Variants in SGCD observed in about 807,000 individuals in gnomAD.
SGCD encodes the protein sarcoglycan delta.
SGCD carries 18 observed loss-of-function variants against 36.6 expected under a neutral mutation model. That is an observed-to-expected ratio of 0.49 (90% CI 0.34 to 0.73). SGCD has a LOEUF of 0.73. SGCD is among the 30% of genes least tolerant of loss of function. SGCD has a pLI of 0.01. For missense variants in SGCD, 387 were observed against 346.7 expected (o/e 1.12, Z -0.92); for synonymous variants, 133 against 130.6 (o/e 1.02, Z -0.12).
At position 156,407,649 on chromosome 5, in the gene SGCD, T is replaced by G. The variant is rs559789333; in HGVS notation, c.192+62972T>G. On this transcript the variant is annotated intron_variant, in intron 3 of 8. Transcript: ENST00000337851. ...TTCTATGGTAAGGCCATTACTGGTT[T>G]CATGAGGAGTGTCTTGAGCTTTTGT... Among the ~76,000 whole-genome samples, 216 of 152,338 alleles carry G rather than the reference T, an allele frequency of 1.4e-3. 1 individual carries two copies. Among genetic ancestry groups the G allele is most frequent in the African/African-American group, 5.0e-3 (209 of 41,582 alleles).
chr5:155,779,758 A>G, the SGCD span, among the ~76,000 whole-genome samples: 3 of 152,174 alleles, frequency 2.0e-5, no homozygotes, highest in African/African-American at 7.2e-5. Context: ...AGCTGTTCAA[A>G]TTGACAGTCC....
rs549064523 is a variant in SGCD, at chr5:156,070,590, C to T, written c.-281-47288C>T. On this transcript the variant is annotated intron_variant, in intron 1 of 9. Transcript: ENST00000517913. ...TCATCAAGGATATTGGTCTAAAATT[C>T]TCTTTTTTGGTTGTGTCTCTGTCAG... is the stretch of plus-strand genomic sequence containing the variant. Among the ~76,000 whole-genome samples the T allele has an allele frequency of 5.6e-4, 85 of 151,936 alleles. 1 individual carries two copies. The highest frequency in any genetic ancestry group is 2.0e-3 in the African/African-American group (82 of 41,280).
intron 3 of SGCD, among the ~76,000 whole-genome samples, chr5:156,239,870 C>T (rs1765266747): frequency 6.6e-6 from 1 of 152,188 alleles, no homozygotes; most frequent in Non-Finnish European, 1.5e-5. Context: ...ACAAAAACTA[C>T]TCTAGTAGTT....
At chr5:155,966,458 T>C (rs552498760) in intron 1 of SGCD, among the ~76,000 whole-genome samples, 7 of 152,294 alleles carry the variant, frequency 4.6e-5, no homozygotes, top group African/African-American at 1.7e-4. Flanking sequence ...ATGTGTGAGA[T>C]AGCACTTCAT....
chr5:156,671,409 A>C (rs961057296), intron 7 of SGCD, among the ~76,000 whole-genome samples: 4 of 151,416 alleles, frequency 2.6e-5, no homozygotes, highest in Admixed American at 2.0e-4. Flanking sequence ...AGTAGCTGTG[A>C]TTACAAGCTC....
At chr5:156,382,153 C>A (rs749075039) in intron 3 of SGCD, among the ~76,000 whole-genome samples, 43 of 152,002 alleles carry the variant, frequency 2.8e-4, no homozygotes, top group Admixed American at 5.9e-4. Flanking sequence ...TTTGGAAACT[C>A]ATTCCAAAAC....
chr5:155,772,876 C>T, the SGCD span, among the ~76,000 whole-genome samples: 27 of 152,206 alleles, frequency 1.8e-4, 1 homozygote, highest in African/African-American at 5.5e-4. Context: ...CAGACACTTC[C>T]GGTAGGGCAA....
intron 4 of SGCD, among the ~76,000 whole-genome samples, chr5:156,558,856 A>C (rs1759154165): frequency 6.6e-6 from 1 of 152,312 alleles, no homozygotes; most frequent in South Asian, 2.1e-4. Context: ...CTGTACTTGC[A>C]GATGGTTCTG....
intron 3 of SGCD, among the ~76,000 whole-genome samples, chr5:156,318,845 C>G (rs535569917): frequency 3.9e-5 from 6 of 152,166 alleles, no homozygotes; most frequent in African/African-American, 1.2e-4. Flanking sequence ...ATCCGCCTGC[C>G]TTGGCCTCCC....
intron 1 of SGCD, among the ~76,000 whole-genome samples, chr5:155,875,940 C>A (rs958437611): frequency 5.3e-5 from 8 of 152,114 alleles, no homozygotes; most frequent in East Asian, 1.9e-4. Flanking sequence ...GAAGACATAC[C>A]TAACACCCTG....
chr5:156,359,395 G>A (rs376922482), intron 3 of SGCD, among the ~76,000 whole-genome samples: 1 of 152,266 alleles, frequency 6.6e-6, no homozygotes, highest in Non-Finnish European at 1.5e-5. Context: ...GTGTGATACT[G>A]AGCACTTAAC....
intron 3 of SGCD, among the ~76,000 whole-genome samples, chr5:156,392,725 G>A (rs1447189085): frequency 6.6e-6 from 1 of 152,126 alleles, no homozygotes; most frequent in East Asian, 1.9e-4. Flanking sequence ...CAGCAGGTAG[G>A]GTAGCCAGAA....
chr5:156,444,198 C>G (rs933168208), intron 3 of SGCD, among the ~76,000 whole-genome samples: 1 of 146,866 alleles, frequency 6.8e-6, no homozygotes, highest in African/African-American at 2.6e-5. Context: ...CTCCTTCCCT[C>G]TCTCCCTCCT....
chr5:155,763,692 A>G, the SGCD span, among the ~76,000 whole-genome samples: 5 of 152,348 alleles, frequency 3.3e-5, no homozygotes, highest in South Asian at 1.0e-3. Context: ...GTGAATGAAC[A>G]TATGTGTTGA....
chr5:156,054,211 CAAAGCT>C (rs1759997955), intron 1 of SGCD, among the ~76,000 whole-genome samples: 1 of 144,528 alleles, frequency 6.9e-6, no homozygotes, highest in African/African-American at 2.5e-5. Context: ...CACTTTCTTG[CAAAGCT>C]AAAGTGCAAC....
At chr5:156,153,646 CAT>C (rs1348325928) in intron 3 of SGCD, among the ~76,000 whole-genome samples, 1 of 151,540 alleles carries the variant, frequency 6.6e-6, no homozygotes, top group African/African-American at 2.4e-5. Flanking sequence ...ATTATGCCTC[CAT>C]TAGTATCCCC....
At chr5:156,599,903 A>G (rs530140189) in intron 6 of SGCD, among the ~76,000 whole-genome samples, 36 of 152,330 alleles carry the variant, frequency 2.4e-4, no homozygotes, top group Middle Eastern at 3.4e-3. Flanking sequence ...ACTCTGTGAC[A>G]TAGGGTAATA....
At chr5:156,518,961 A>G (rs1017110025) in intron 4 of SGCD, among the ~76,000 whole-genome samples, 11 of 152,272 alleles carry the variant, frequency 7.2e-5, no homozygotes, top group East Asian at 1.9e-4. Context: ...CCAAGAGCAA[A>G]CAAACCCCTA....
intron 3 of SGCD, among the ~76,000 whole-genome samples, chr5:156,430,360 T>C (rs6556612): frequency 0.8 from 120,999 of 151,944 alleles, 48,902 homozygotes; most frequent in African/African-American, 0.93. Flanking sequence ...TCTAGAAGTT[T>C]TGATTTTTTT....
Sources: allele counts gnomAD v4.1 joint callset (sites outside exome capture counted in the v4.1 genomes callset), GRCh38; gene constraint gnomAD v4.1.1; transcripts MANE v1.5; gene names NCBI Gene and HGNC (gene_info 2026-07-23, HGNC 2026-07-21).